PPFIBP1: variants seen among roughly 807,000 people sequenced by gnomAD.
The protein encoded by PPFIBP1 is PPFIB scaffold protein 1.
PPFIBP1 carries 112 observed loss-of-function variants against 137.8 expected under a neutral mutation model. The observed-to-expected ratio is 0.81, with a 90% CI of 0.70 to 0.95. The LOEUF (loss-of-function observed/expected upper bound fraction) is 0.95, where lower values mean the gene tolerates loss of function less well. Among genes scored for constraint, PPFIBP1 ranks in the 40% least tolerant of loss-of-function variants. PPFIBP1 has a pLI of 0.00. For missense variants in PPFIBP1, 1,083 were observed against 1,196.6 expected (o/e 0.91, Z 1.40); for synonymous variants, 378 against 417.3 (o/e 0.91, Z 1.15).
intron 1 of PPFIBP1, among the ~76,000 whole-genome samples, chr12:27,544,116 A>C (rs2136065799): frequency 6.6e-6 from 1 of 152,184 alleles, no homozygotes; most frequent in Middle Eastern, 3.4e-3. Flanking sequence ...TCCTGGGCTC[A>C]AGTGATCCTT....
At chr12:27,682,111 A>T (rs1803954594) in intron 22 of PPFIBP1, among the ~76,000 whole-genome samples, 1 of 152,184 alleles carries the variant, frequency 6.6e-6, no homozygotes, top group South Asian at 2.1e-4. Context: ...TTTGTACAAA[A>T]TAAGAGTCAA....
chr12:27,636,823 C>T (rs2057712067), intron 4 of PPFIBP1: 1 of 152,220 alleles, frequency 6.6e-6, no homozygotes, highest in Non-Finnish European at 1.5e-5. Context: ...TCTCTTGTCA[C>T]ACATCTCCTT....
chr12:27,591,114 C>G (rs2052465781), intron 2 of PPFIBP1, among the ~76,000 whole-genome samples: 1 of 149,002 alleles, frequency 6.7e-6, no homozygotes, highest in South Asian at 2.1e-4. Flanking sequence ...TTTTGACAAG[C>G]TAGAAAGGTA....
At chr12:27,592,723 T>C in intron 2 of PPFIBP1, 1 of 1,110,754 alleles carries the variant, frequency 9.0e-7, no homozygotes, top group Non-Finnish European at 1.4e-6. Flanking sequence ...ACTTGTCCTT[T>C]GGCTGGCAGT....
intron 1 of PPFIBP1, among the ~76,000 whole-genome samples, chr12:27,531,101 G>A (rs563681206): frequency 2.6e-5 from 4 of 152,238 alleles, no homozygotes; most frequent in African/African-American, 7.2e-5. Context: ...AAATAAAAAC[G>A]TGTTATTTTG....
intron 24 of PPFIBP1, among the ~76,000 whole-genome samples, chr12:27,684,256 A>G (rs1045528177): frequency 1.3e-5 from 2 of 151,926 alleles, no homozygotes; most frequent in Non-Finnish European, 2.9e-5. Context: ...TTACAGGTGC[A>G]CACCACTGCT....
chr12:27,621,653 T>C (rs2056353340), intron 2 of PPFIBP1, among the ~76,000 whole-genome samples: 1 of 152,200 alleles, frequency 6.6e-6, no homozygotes, highest in African/African-American at 2.4e-5. Context: ...TCTTACTGTA[T>C]GGCCAAGAGT....
At chr12:27,598,965 T>C (rs1381081862) in intron 2 of PPFIBP1, among the ~76,000 whole-genome samples, 1 of 152,206 alleles carries the variant, frequency 6.6e-6, no homozygotes, top group Non-Finnish European at 1.5e-5. Flanking sequence ...GAAATGATAG[T>C]ATGTTGTGGA....
At chr12:27,647,675 G>T in intron 5 of PPFIBP1, 54 bp from the exon 6 acceptor site, 1 of 1,074,412 alleles carries the variant, frequency 9.3e-7, no homozygotes, top group South Asian at 1.9e-5. Context: ...AATAACGTAT[G>T]CAGTGGGACC....
chr12:27,585,989 C>G (rs1291003602), intron 2 of PPFIBP1, among the ~76,000 whole-genome samples: 1 of 152,204 alleles, frequency 6.6e-6, no homozygotes, highest in Non-Finnish European at 1.5e-5. Context: ...TTTGCTTGGA[C>G]TTTATTCTGT....
chr12:27,644,926 T>A (rs982715730), intron 4 of PPFIBP1, among the ~76,000 whole-genome samples: 2 of 151,686 alleles, frequency 1.3e-5, no homozygotes, highest in African/African-American at 4.8e-5. Context: ...TTTTTTTTCT[T>A]CCCCCTTCCC....
chr12:27,647,644 T>C (rs2058614037), intron 5 of PPFIBP1, 85 bp from the exon 6 acceptor site: 1 of 715,932 alleles, frequency 1.4e-6, no homozygotes, highest in Admixed American at 4.7e-5. Flanking sequence ...GGATCATTCC[T>C]TTTTTTGTTC....
chr12:27,646,411 T>C (rs1255667883), intron 5 of PPFIBP1: 2 of 193,212 alleles, frequency 1.0e-5, no homozygotes, highest in Non-Finnish European at 1.1e-5. Flanking sequence ...ATCTGTTCTT[T>C]TTTTTTTTTT....
At chr12:27,612,306 G>C (rs2055204716) in intron 2 of PPFIBP1, among the ~76,000 whole-genome samples, 1 of 145,030 alleles carries the variant, frequency 6.9e-6, no homozygotes, top group East Asian at 2.0e-4. Context: ...ATACTTGTAT[G>C]CTCCATCTGT....
chr12:27,619,640 G>A (rs1279345489), intron 2 of PPFIBP1, among the ~76,000 whole-genome samples: 1 of 152,166 alleles, frequency 6.6e-6, no homozygotes, highest in Non-Finnish European at 1.5e-5. Context: ...TATGGCTTAG[G>A]CCATAGTCTT....
intron 1 of PPFIBP1, among the ~76,000 whole-genome samples, chr12:27,537,595 G>T (rs1945190869): frequency 1.3e-5 from 2 of 152,128 alleles, no homozygotes; most frequent in Admixed American, 1.3e-4. Context: ...TGGAGACAGG[G>T]TTGGTTTGGC....
chr12:27,689,244 A>C, intron 27 of PPFIBP1, 41 bp downstream of exon 27: 2 of 1,495,812 alleles, frequency 1.3e-6, no homozygotes, highest in Non-Finnish European at 1.8e-6. Context: ...GCTTGGCGCA[A>C]AGGCAACGTT....
chr12:27,677,882 A>G (rs1483013341), intron 19 of PPFIBP1: 1 of 152,248 alleles, frequency 6.6e-6, no homozygotes, highest in Non-Finnish European at 1.5e-5. Flanking sequence ...CCTTGTATAG[A>G]TATCCACCTA....
intron 2 of PPFIBP1, among the ~76,000 whole-genome samples, chr12:27,595,645 C>T (rs901086834): frequency 4.9e-4 from 75 of 151,908 alleles, no homozygotes; most frequent in African/African-American, 1.7e-3. Flanking sequence ...ACCTGAGGTC[C>T]GGAGTTTGAG....
Sources: gnomAD v4.1 joint callset for allele counts (sites outside exome capture counted in the v4.1 genomes callset) on GRCh38, gnomAD v4.1.1 for gene constraint, MANE v1.5 for transcripts, NCBI Gene and HGNC (gene_info 2026-07-23, HGNC 2026-07-21) for gene names.